Variants in CLNK observed in about 807,000 individuals in gnomAD.
CLNK encodes cytokine dependent hematopoietic cell linker.
CLNK carries 74 observed loss-of-function variants against 68.6 expected under a neutral mutation model. That is an observed-to-expected ratio of 1.08 (90% CI 0.89 to 1.31). CLNK has a LOEUF of 1.31. Among genes scored for constraint, CLNK ranks in the 50% most tolerant of loss-of-function variants. The pLI, the probability that CLNK is intolerant of heterozygous loss-of-function variation, is 0.00. For synonymous variants in CLNK, 198 were observed against 172.2 expected (o/e 1.15, Z -1.17); for missense variants, 553 against 515.3 (o/e 1.07, Z -0.71).
At chr4:10,510,248 C>A (rs1399484246) in intron 16 of CLNK, among the ~76,000 whole-genome samples, 1 of 152,112 alleles carries the variant, frequency 6.6e-6, no homozygotes, top group East Asian at 1.9e-4. Context: ...GGGAAGTCCC[C>A]TTCTAATTCT....
Position 10,525,918 on chromosome 4 carries a change from A to C in CLNK, c.654T>G (p.Pro218=), listed in dbSNP as rs1718301145. Residue 218 remains proline, a synonymous_variant, in exon 14 of 19, where the codon CCT becomes CCG. Coordinates refer to ENST00000226951, the MANE Select transcript of CLNK (RefSeq NM_052964.4). Reference sequence around the variant, plus strand: ...TTGATTCAGGCTTCCTCTGGTTATGAGGAACTATATAAAACAGTGACATAA... The same window carrying C: ...TTGATTCAGGCTTCCTCTGGTTATGCGGAACTATATAAAACAGTGACATAA... The part of the protein sequence containing the change: ...LSEVLEAEKV[P]HNQRKPESTH... The C allele has an allele frequency of 1.3e-6, 2 of 1,558,736 alleles. No homozygotes were observed. Among genetic ancestry groups the C allele is most frequent in the Non-Finnish European group, 1.7e-6 (2 of 1,146,114 alleles).
chr4:10,600,863 C>T (rs1560236262), intron 2 of CLNK, among the ~76,000 whole-genome samples: 1 of 152,162 alleles, frequency 6.6e-6, no homozygotes, highest in Admixed American at 6.5e-5. Flanking sequence ...TTTCTGACAG[C>T]CCATGTAGCA....
At chr4:10,513,191 T>G (rs1021107328) in intron 16 of CLNK, among the ~76,000 whole-genome samples, 2 of 106,804 alleles carry the variant, frequency 1.9e-5, no homozygotes, top group African/African-American at 7.2e-5. Flanking sequence ...TGTCTAAATA[T>G]CTGTATTTTT....
At chr4:10,495,838 T>G (rs935591136) in intron 18 of CLNK, among the ~76,000 whole-genome samples, 4 of 144,128 alleles carry the variant, frequency 2.8e-5, no homozygotes, top group Admixed American at 2.1e-4. Context: ...GAGAGAGAGA[T>G]GAGGAGAAGG....
intron 2 of CLNK, among the ~76,000 whole-genome samples, chr4:10,657,168 C>T (rs1353128605): frequency 6.6e-6 from 1 of 152,142 alleles, no homozygotes; most frequent in Non-Finnish European, 1.5e-5. Flanking sequence ...TATCAAAACT[C>T]GGCAGTCTGG....
chr4:10,651,819 T>C (rs1382389671), intron 2 of CLNK, among the ~76,000 whole-genome samples: 1 of 152,114 alleles, frequency 6.6e-6, no homozygotes, highest in East Asian at 1.9e-4. Context: ...ACTGTAAATA[T>C]ATCATTTAGC....
intron 2 of CLNK, among the ~76,000 whole-genome samples, chr4:10,642,091 C>T (rs1328573451): frequency 6.6e-6 from 1 of 152,138 alleles, no homozygotes; most frequent in Non-Finnish European, 1.5e-5. Flanking sequence ...AAACACCTAC[C>T]TAATGTATGA....
At position 10,668,820 on chromosome 4, in the gene CLNK, C is replaced by A. The variant is rs142299586; in HGVS notation, c.-42-909G>T. ...GGGTGGAATGAAAATCCCCATCTCA[C>A]GCTCCCTCTGCCCTGGATCTCCTGA... On this transcript the variant is annotated intron_variant, in intron 1 of 18. Transcript: ENST00000226951. 4.6e-3 allele frequency among the ~76,000 whole-genome samples: 699 copies of A among 152,234 alleles called. 15 individuals are homozygous for A. The highest frequency in any genetic ancestry group is 3.9e-3 in the East Asian group (20 of 5,176).
chr4:10,706,383 C>T, the CLNK span, among the ~76,000 whole-genome samples: 5 of 152,176 alleles, frequency 3.3e-5, no homozygotes, highest in Non-Finnish European at 7.3e-5. Context: ...ATGTTAAACT[C>T]ACTCCACACA....
intron 2 of CLNK, among the ~76,000 whole-genome samples, chr4:10,614,469 C>A (rs1401068641): frequency 3.3e-5 from 5 of 152,118 alleles, no homozygotes; most frequent in South Asian, 2.1e-4. Context: ...ATATCATCGA[C>A]ATTAAGAGTG....
chr4:10,711,614 A>C, the CLNK span, among the ~76,000 whole-genome samples: 1 of 152,162 alleles, frequency 6.6e-6, no homozygotes, highest in Non-Finnish European at 1.5e-5. Flanking sequence ...AAAAAACTTA[A>C]ATATTGAAGC....
rs532086090 is a variant in CLNK at position 10,621,872 on chromosome 4, G to T, written c.12-23823C>A. ...GAGATGAACAATTCTAAGGGTAATT[G>T]AACACTCCACAAATTTTCACAGTGG... On this transcript the variant is annotated intron_variant, in intron 2 of 18. Coordinates refer to ENST00000226951, the MANE Select transcript of CLNK (RefSeq NM_052964.4). Among the ~76,000 whole-genome samples the T allele has an allele frequency of 1.3e-3, 191 of 152,250 alleles. 1 individual carries two copies. Among genetic ancestry groups the T allele is most frequent in the Non-Finnish European group, 2.1e-3 (143 of 68,016 alleles).
At chr4:10,667,235 A>G (rs1724434342) in intron 2 of CLNK, among the ~76,000 whole-genome samples, 2 of 152,318 alleles carry the variant, frequency 1.3e-5, no homozygotes, top group Middle Eastern at 6.8e-3. Context: ...AGGAATAACA[A>G]AACTACCTTT....
intron 18 of CLNK, among the ~76,000 whole-genome samples, chr4:10,493,632 A>G (rs985833524): frequency 6.6e-6 from 1 of 152,166 alleles, no homozygotes; most frequent in Non-Finnish European, 1.5e-5. Context: ...GAATACAAAC[A>G]TTCAGACTAC....
intron 17 of CLNK, among the ~76,000 whole-genome samples, chr4:10,506,271 T>C (rs555408807): frequency 1.5e-4 from 23 of 152,322 alleles, no homozygotes; most frequent in African/African-American, 5.3e-4. Flanking sequence ...GTCATGTGAC[T>C]TCCTTTGGTT....
intron 3 of CLNK, among the ~76,000 whole-genome samples, chr4:10,597,451 C>A (rs575383303): frequency 6.6e-6 from 1 of 152,324 alleles, no homozygotes. Flanking sequence ...GACTAGTCTG[C>A]GAGCTCCTTG....
chr4:10,571,393 G>C (rs1283554753), intron 5 of CLNK, among the ~76,000 whole-genome samples: 1 of 143,778 alleles, frequency 7.0e-6, no homozygotes, highest in African/African-American at 2.6e-5. Flanking sequence ...GAAGTGCAAG[G>C]GTGCTATCTC....
chr4:10,628,831 C>T (rs908169511), intron 2 of CLNK, among the ~76,000 whole-genome samples: 1 of 152,166 alleles, frequency 6.6e-6, no homozygotes, highest in Admixed American at 6.5e-5. Context: ...AAGTCCAGAC[C>T]TACCAATGAA....
At chr4:10,694,205 C>T in the CLNK span, among the ~76,000 whole-genome samples, 2 of 151,362 alleles carry the variant, frequency 1.3e-5, no homozygotes, top group African/African-American at 4.9e-5. Flanking sequence ...GCCTCTTTTG[C>T]TGATTCATAC....
Sources: gnomAD v4.1 joint callset for allele counts (sites outside exome capture counted in the v4.1 genomes callset) on GRCh38, gnomAD v4.1.1 for gene constraint, MANE v1.5 for transcripts, NCBI Gene and HGNC (gene_info 2026-07-23, HGNC 2026-07-21) for gene names.